The following NRG3 variants were observed in gnomAD, a reference collection of about 807,000 sequenced individuals.
The protein encoded by NRG3 is pro-neuregulin-3, membrane-bound isoform.
Under a neutral mutation model 66.9 loss-of-function variants are expected in NRG3, and 31 were observed. The ratio of observed to expected loss-of-function variants is 0.46; its 90% confidence interval spans 0.35 to 0.63. The LOEUF (loss-of-function observed/expected upper bound fraction) is 0.63, where lower values mean the gene tolerates loss of function less well. Ranked by LOEUF, NRG3 falls within the 20% of genes least tolerant of loss-of-function variation. NRG3 has a pLI of 0.00. For missense variants in NRG3, 910 were observed against 878.9 expected, an observed-to-expected ratio of 1.04 and a Z score of -0.45; for synonymous variants, 393 against 359.4, an observed-to-expected ratio of 1.09 and a Z score of -1.06.
chr10:82,060,131 A>T lies in NRG3; in HGVS notation c.823+183968A>T, dbSNP rs1564780474. Among the ~76,000 whole-genome samples, 3 of 152,232 alleles carry T rather than the reference A, an allele frequency of 2.0e-5. No homozygotes were observed. In the South Asian group the frequency reaches 6.2e-4, roughly 31 times the overall value. On this transcript the variant is annotated intron_variant, in intron 1 of 8. Transcript: ENST00000372141. Reference sequence around the variant, plus strand: ...GAATTTCATTTCATAAATGGTAATTATTACTCATATTGTCTACAAAGCCAT... The same window carrying T: ...GAATTTCATTTCATAAATGGTAATTTTTACTCATATTGTCTACAAAGCCAT...
intron 1 of NRG3, among the ~76,000 whole-genome samples, chr10:82,040,237 A>G (rs1158244886): frequency 6.6e-6 from 1 of 152,134 alleles, no homozygotes; most frequent in Non-Finnish European, 1.5e-5. Context: ...TTTCAACAGT[A>G]CAAATCCAAT....
intron 1 of NRG3, among the ~76,000 whole-genome samples, chr10:82,131,718 G>A (rs1040679569): frequency 6.6e-6 from 1 of 152,038 alleles, no homozygotes; most frequent in African/African-American, 2.4e-5. Flanking sequence ...TTGCATCAAT[G>A]TTGTATAGTT....
chr10:82,145,677 C>T (rs1284459435), intron 1 of NRG3, among the ~76,000 whole-genome samples: 1 of 152,152 alleles, frequency 6.6e-6, no homozygotes, highest in Non-Finnish European at 1.5e-5. Flanking sequence ...GTTAATACTG[C>T]TCTGGTACAA....
chr10:82,516,696 G>A (rs1000218847), intron 2 of NRG3, among the ~76,000 whole-genome samples: 1 of 152,106 alleles, frequency 6.6e-6, no homozygotes, highest in African/African-American at 2.4e-5. Flanking sequence ...ATTTGTACCA[G>A]GATAATTCTT....
At chr10:82,771,823 C>A (rs760195657) in intron 3 of NRG3, among the ~76,000 whole-genome samples, 11 of 151,858 alleles carry the variant, frequency 7.2e-5, no homozygotes, top group African/African-American at 9.6e-5. Flanking sequence ...TTTTTTTCCT[C>A]CCAATTCTGT....
At chr10:82,867,684 C>T (rs1459676029) in intron 4 of NRG3, among the ~76,000 whole-genome samples, 2 of 151,992 alleles carry the variant, frequency 1.3e-5, no homozygotes, top group African/African-American at 4.8e-5. Flanking sequence ...AATAAAGAGT[C>T]AAAGAAGAGA....
chr10:82,341,251 G>C (rs778545895), intron 1 of NRG3, among the ~76,000 whole-genome samples: 5 of 152,092 alleles, frequency 3.3e-5, no homozygotes, highest in Admixed American at 6.5e-5. Context: ...GTGATAAATA[G>C]AGTGTTTGGC....
chr10:82,555,769 C>T (rs1217403685), intron 2 of NRG3, among the ~76,000 whole-genome samples: 3 of 152,162 alleles, frequency 2.0e-5, no homozygotes, highest in African/African-American at 7.2e-5. Context: ...ATACATATCC[C>T]TTTCTTAAAT....
intron 1 of NRG3, among the ~76,000 whole-genome samples, chr10:81,950,471 A>C (rs148301349): frequency 1.0e-3 from 154 of 152,312 alleles, no homozygotes; most frequent in African/African-American, 3.5e-3. Flanking sequence ...CACATGGAAA[A>C]GTAGGGATTC....
chr10:82,171,069 TATTTTCTTTC>T (rs2072564363), intron 1 of NRG3, among the ~76,000 whole-genome samples: 1 of 152,044 alleles, frequency 6.6e-6, no homozygotes. Flanking sequence ...CATTATTTTC[TATTTTCTTTC>T]ATTTTCTTTT....
chr10:81,963,927 A>G (rs2059627281), intron 1 of NRG3, among the ~76,000 whole-genome samples: 1 of 152,192 alleles, frequency 6.6e-6, no homozygotes, highest in Non-Finnish European at 1.5e-5. Context: ...TCACTGTTTC[A>G]TCTGTGTTTT....
intron 4 of NRG3, among the ~76,000 whole-genome samples, chr10:82,940,202 G>T (rs1320444889): frequency 2.6e-5 from 4 of 152,232 alleles, no homozygotes. Flanking sequence ...AGATTAACTT[G>T]CTAGGGCTGC....
chr10:82,428,381 GT>G (rs1325149608), intron 2 of NRG3, among the ~76,000 whole-genome samples: 4 of 147,504 alleles, frequency 2.7e-5, no homozygotes, highest in Non-Finnish European at 4.5e-5. Flanking sequence ...TTGGTACGTT[GT>G]TTTTTCTGTT....
chr10:82,970,719 G>C (rs918715070), intron 6 of NRG3, among the ~76,000 whole-genome samples: 41 of 152,044 alleles, frequency 2.7e-4, no homozygotes, highest in African/African-American at 9.9e-4. Context: ...TAAATTAGTA[G>C]TAAATCAAAT....
chr10:82,760,012 TA>T (rs1169825433), intron 3 of NRG3, among the ~76,000 whole-genome samples: 3 of 152,036 alleles, frequency 2.0e-5, no homozygotes, highest in Non-Finnish European at 4.4e-5. Flanking sequence ...ATGTGAAATA[TA>T]AAAAACTCCA....
At chr10:82,425,458 A>T (rs1360571458) in intron 2 of NRG3, among the ~76,000 whole-genome samples, 2 of 151,512 alleles carry the variant, frequency 1.3e-5, no homozygotes, top group African/African-American at 4.9e-5. Flanking sequence ...CTGCTTTTGT[A>T]TGTTGTCCTT....
At chr10:82,179,566 G>T (rs961839954) in intron 1 of NRG3, among the ~76,000 whole-genome samples, 13 of 151,850 alleles carry the variant, frequency 8.6e-5, no homozygotes, top group African/African-American at 2.7e-4. Context: ...AAATGCATTG[G>T]TTTATTTCTG....
chr10:82,259,400 C>CCAG (rs1359000237), intron 1 of NRG3, among the ~76,000 whole-genome samples: 5 of 151,942 alleles, frequency 3.3e-5, no homozygotes, highest in Non-Finnish European at 7.4e-5. Flanking sequence ...CTAGGAAGAC[C>CCAG]CAGCGCACCT....
chr10:82,274,062 C>G (rs943462426), intron 1 of NRG3, among the ~76,000 whole-genome samples: 1 of 151,938 alleles, frequency 6.6e-6, no homozygotes, highest in Non-Finnish European at 1.5e-5. Flanking sequence ...TTTCCACCTC[C>G]TACGATGATT....
Sources: gnomAD v4.1 joint callset for allele counts (sites outside exome capture counted in the v4.1 genomes callset) on GRCh38, gnomAD v4.1.1 for gene constraint, MANE v1.5 for transcripts, NCBI Gene and HGNC (gene_info 2026-07-23, HGNC 2026-07-21) for gene names.